Variants in PCDH15 observed in about 807,000 individuals in gnomAD.
PCDH15 encodes protocadherin-15.
Under a neutral mutation model 178.5 loss-of-function variants are expected in PCDH15, and 129 were observed. That is an observed-to-expected ratio of 0.72 (90% CI 0.63 to 0.84). PCDH15 has a LOEUF of 0.84. PCDH15 is among the 40% of genes least tolerant of loss of function. The pLI, the probability that PCDH15 is intolerant of heterozygous loss-of-function variation, is 0.00. For synonymous variants in PCDH15, 800 were observed against 732.0 expected (o/e 1.09, Z -1.50); for missense variants, 2,230 against 2,099.9 (o/e 1.06, Z -1.21).
chr10:54,257,882 G>A (rs16905822), intron 8 of PCDH15, among the ~76,000 whole-genome samples: 18 of 151,958 alleles, frequency 1.2e-4, no homozygotes, highest in Non-Finnish European at 5.9e-5. Flanking sequence ...TTTTATATGT[G>A]CAGGCAATCA....
chr10:54,176,530 A>G (rs2133708407), intron 13 of PCDH15, among the ~76,000 whole-genome samples: 1 of 152,268 alleles, frequency 6.6e-6, no homozygotes, highest in East Asian at 1.9e-4. Context: ...GTAAAACAAA[A>G]CCCTATATAT....
At chr10:54,807,320 C>A (rs1259484246) in intron 3 of PCDH15, among the ~76,000 whole-genome samples, 1 of 151,946 alleles carries the variant, frequency 6.6e-6, no homozygotes, top group Non-Finnish European at 1.5e-5. Context: ...ATAATATGAG[C>A]CCCATCAAAC....
At chr10:54,860,296 T>TC (rs1339955471) in intron 3 of PCDH15, among the ~76,000 whole-genome samples, 1 of 152,030 alleles carries the variant, frequency 6.6e-6, no homozygotes, top group Non-Finnish European at 1.5e-5. Context: ...CCTTGCCCCT[T>TC]CCCCCTCCTC....
chr10:54,939,351 C>A (rs1049376842), intron 2 of PCDH15, among the ~76,000 whole-genome samples: 1 of 151,294 alleles, frequency 6.6e-6, no homozygotes, highest in Non-Finnish European at 1.5e-5. Flanking sequence ...AAAAATTAGC[C>A]GGGCGTGGTG....
intron 21 of PCDH15, among the ~76,000 whole-genome samples, chr10:53,984,136 CTTTTTTCTTTTCTT>C: frequency 1.4e-5 from 1 of 73,530 alleles, no homozygotes. Context: ...TTTTTTTTTT[CTTTTTTCTTTTCTT>C]TTTTTTTTTT....
chr10:54,240,994 A>G (rs1255190172), intron 8 of PCDH15, among the ~76,000 whole-genome samples: 3 of 152,184 alleles, frequency 2.0e-5, no homozygotes, highest in African/African-American at 7.2e-5. Context: ...ATTCTTGCCC[A>G]TGAATTGAAA....
chr10:54,222,231 G>A (rs945702039), intron 9 of PCDH15, among the ~76,000 whole-genome samples: 35 of 152,122 alleles, frequency 2.3e-4, no homozygotes, highest in Non-Finnish European at 1.8e-4. Flanking sequence ...AAGAATTTTT[G>A]GGCAGGGAAC....
At chr10:54,530,938 T>C (rs1426361248) in intron 2 of PCDH15, among the ~76,000 whole-genome samples, 2 of 152,216 alleles carry the variant, frequency 1.3e-5, no homozygotes, top group African/African-American at 4.8e-5. Flanking sequence ...AGTTTTGAAG[T>C]GCACAAAAGC....
At chr10:55,293,322 C>T (rs1843055662) in intron 1 of PCDH15, among the ~76,000 whole-genome samples, 1 of 152,172 alleles carries the variant, frequency 6.6e-6, no homozygotes, top group South Asian at 2.1e-4. Flanking sequence ...TCCTCTTAGG[C>T]CTCAGGGCCT....
At chr10:55,300,993 C>T (rs1843262497) in intron 1 of PCDH15, among the ~76,000 whole-genome samples, 1 of 152,144 alleles carries the variant, frequency 6.6e-6, no homozygotes, top group Non-Finnish European at 1.5e-5. Flanking sequence ...GTTCTTAAAA[C>T]ATGTACCTTT....
At chr10:54,315,835 A>T (rs1232064205) in intron 8 of PCDH15, among the ~76,000 whole-genome samples, 1 of 152,138 alleles carries the variant, frequency 6.6e-6, no homozygotes, top group Non-Finnish European at 1.5e-5. Context: ...AGATGGCAGT[A>T]GGTGTGCAGC....
intron 2 of PCDH15, among the ~76,000 whole-genome samples, chr10:54,948,397 A>G (rs1044549870): frequency 8.6e-5 from 13 of 151,962 alleles, no homozygotes; most frequent in South Asian, 2.1e-4. Flanking sequence ...AGAGAGGTCA[A>G]TCTGCTTTAT....
At chr10:55,182,641 T>A (rs1839682679) in intron 1 of PCDH15, among the ~76,000 whole-genome samples, 1 of 152,012 alleles carries the variant, frequency 6.6e-6, no homozygotes, top group African/African-American at 2.4e-5. Context: ...CAGTAAGTAA[T>A]ACATAAGTAC....
chr10:55,237,638 A>G (rs1419264), intron 1 of PCDH15, among the ~76,000 whole-genome samples: 143,814 of 152,146 alleles, frequency 0.95, 67,990 homozygotes, highest in Admixed American at 0.95. Context: ...AAATTTGGCT[A>G]CTTACCTAAA....
intron 9 of PCDH15, among the ~76,000 whole-genome samples, chr10:54,223,823 C>A (rs890551742): frequency 6.6e-6 from 1 of 152,038 alleles, no homozygotes; most frequent in Non-Finnish European, 1.5e-5. Context: ...CCTGTTTCTG[C>A]TTCTTAAAAT....
At chr10:55,466,350 A>G (rs1839830799) in intron 2 of PCDH15, among the ~76,000 whole-genome samples, 1 of 152,198 alleles carries the variant, frequency 6.6e-6, no homozygotes, top group Non-Finnish European at 1.5e-5. Flanking sequence ...AATTCATTTT[A>G]TTTAAGGAGT....
chr10:55,389,319 G>A (rs1034038629), intron 2 of PCDH15, among the ~76,000 whole-genome samples: 3 of 151,984 alleles, frequency 2.0e-5, no homozygotes, highest in African/African-American at 7.3e-5. Context: ...AGACAAGCCA[G>A]TGAACACTAC....
At chr10:55,010,096 C>G (rs1204751403) in intron 2 of PCDH15, among the ~76,000 whole-genome samples, 1 of 151,958 alleles carries the variant, frequency 6.6e-6, no homozygotes, top group Non-Finnish European at 1.5e-5. Context: ...TGTTCAAGGA[C>G]TTATAATAGC....
intron 1 of PCDH15, among the ~76,000 whole-genome samples, chr10:54,678,419 T>C (rs1299803661): frequency 6.6e-6 from 1 of 152,158 alleles, no homozygotes; most frequent in Non-Finnish European, 1.5e-5. Flanking sequence ...TGTTAGAAAA[T>C]CTTGTAAACT....
Sources: gnomAD v4.1 joint callset for allele counts (sites outside exome capture counted in the v4.1 genomes callset) on GRCh38, gnomAD v4.1.1 for gene constraint, MANE v1.5 for transcripts, NCBI Gene and HGNC (gene_info 2026-07-23, HGNC 2026-07-21) for gene names.